The following BCL2 variants were observed in gnomAD, a reference collection of about 807,000 sequenced individuals.
BCL2 encodes BCL2 apoptosis regulator.
BCL2 carries 1 observed loss-of-function variant against 14.2 expected under a neutral mutation model. That is an observed-to-expected ratio of 0.07 (90% confidence interval 0.02 to 0.33). The LOEUF (loss-of-function observed/expected upper bound fraction) is 0.33. BCL2 is among the 10% of genes least tolerant of loss of function. The pLI is 0.99. For missense variants in BCL2, 247 were observed against 305.9 expected (o/e 0.81, Z 1.44); for synonymous variants, 151 against 137.2 (o/e 1.10, Z -0.70).
intron 2 of BCL2, among the ~76,000 whole-genome samples, chr18:63,171,988 T>C (rs1002229846): frequency 3.3e-5 from 5 of 152,026 alleles, no homozygotes; most frequent in African/African-American, 1.2e-4. Flanking sequence ...CTCTAATAAA[T>C]AGATACATAC....
intron 2 of BCL2, among the ~76,000 whole-genome samples, chr18:63,134,727 T>C (rs1274236058): frequency 6.6e-6 from 1 of 152,180 alleles, no homozygotes; most frequent in Non-Finnish European, 1.5e-5. Flanking sequence ...TATGTGCACA[T>C]TTGAACTAAA....
chr18:63,209,138 T>C (rs1909925515), intron 2 of BCL2, among the ~76,000 whole-genome samples: 1 of 152,196 alleles, frequency 6.6e-6, no homozygotes, highest in Admixed American at 6.5e-5. Context: ...TATTAATTCT[T>C]GACAGTGTGG....
chr18:63,317,330 A>C (rs572236511), intron 2 of BCL2: 1 of 162,428 alleles, frequency 6.2e-6, no homozygotes, highest in African/African-American at 2.4e-5. Context: ...AACCATACAC[A>C]AATTATAGAA....
chr18:63,281,775 A>G (rs1012426771), intron 2 of BCL2, among the ~76,000 whole-genome samples: 1 of 152,198 alleles, frequency 6.6e-6, no homozygotes, highest in African/African-American at 2.4e-5. Flanking sequence ...GAAAAGAAAT[A>G]GTAGCAACTG....
chr18:63,266,772 C>G (rs1478831251), intron 2 of BCL2, among the ~76,000 whole-genome samples: 2 of 152,126 alleles, frequency 1.3e-5, no homozygotes, highest in African/African-American at 2.4e-5. Context: ...ACCACTCAAG[C>G]AAGGTCTCAG....
At chr18:63,173,747 A>G (rs1915284610) in intron 2 of BCL2, among the ~76,000 whole-genome samples, 1 of 152,228 alleles carries the variant, frequency 6.6e-6, no homozygotes, top group African/African-American at 2.4e-5. Context: ...TATTACTATG[A>G]ACTCTAATAG....
chr18:63,135,656 G>C (rs1914188423), intron 2 of BCL2, among the ~76,000 whole-genome samples: 1 of 152,086 alleles, frequency 6.6e-6, no homozygotes, highest in Non-Finnish European at 1.5e-5. Flanking sequence ...ACTTCACCCT[G>C]ATTCCACCAT....
intron 2 of BCL2, among the ~76,000 whole-genome samples, chr18:63,216,262 T>C (rs550400308): frequency 6.6e-6 from 1 of 152,140 alleles, no homozygotes; most frequent in African/African-American, 2.4e-5. Context: ...AAGTGGATAA[T>C]CATCAAAGTG....
At chr18:63,207,231 A>G (rs1205511121) in intron 2 of BCL2, among the ~76,000 whole-genome samples, 1 of 152,234 alleles carries the variant, frequency 6.6e-6, no homozygotes, top group Non-Finnish European at 1.5e-5. Context: ...ATGCCGGCAG[A>G]GCGAGCCTTG....
At chr18:63,221,702 AG>A (rs1231810471) in intron 2 of BCL2, among the ~76,000 whole-genome samples, 1 of 152,202 alleles carries the variant, frequency 6.6e-6, no homozygotes, top group Non-Finnish European at 1.5e-5. Context: ...AACCATGAAA[AG>A]GTGGACTAAA....
chr18:63,239,070 T>C (rs1049602376), intron 2 of BCL2, among the ~76,000 whole-genome samples: 2 of 152,202 alleles, frequency 1.3e-5, no homozygotes, highest in East Asian at 1.9e-4. Flanking sequence ...AATTACCTGA[T>C]TGGGGGTCCA....
chr18:63,222,883 A>G (rs1211005049), intron 2 of BCL2, among the ~76,000 whole-genome samples: 1 of 152,248 alleles, frequency 6.6e-6, no homozygotes, highest in African/African-American at 2.4e-5. Context: ...ATTGTTTAGT[A>G]TGTTGTAGGT....
Position 63,193,582 on chromosome 18 carries a change from A to ATGTGTGTGTG in BCL2, c.586-64833_586-64824dup, listed in dbSNP as rs201003163. On this transcript the variant is annotated intron_variant, in intron 2 of 2. Transcript: ENST00000333681. The stretch of plus-strand genomic sequence containing the variant: ...ATATTCTTAAGGCGGAGTAGTATGT[A>ATGTGTGTGTG]TGTGTGTGTGTGTGTGTGTGTGTGT... Among the ~76,000 whole-genome samples the ATGTGTGTGTG allele has an allele frequency of 1.3e-3, 177 of 139,422 alleles. 1 individual carries two copies. Among genetic ancestry groups the ATGTGTGTGTG allele is most frequent in the African/African-American group, 4.2e-3 (161 of 38,146 alleles). The allele number at this position is 139,422 out of a possible 152,430, so 91.5% of individuals were successfully genotyped here.
chr18:63,236,391 C>T (rs1308770195), intron 2 of BCL2, among the ~76,000 whole-genome samples: 2 of 139,510 alleles, frequency 1.4e-5, no homozygotes, highest in Non-Finnish European at 3.2e-5. Flanking sequence ...AATAGAGGTG[C>T]GGGACAAAAA....
chr18:63,310,955 G>C (rs966106774), intron 2 of BCL2, among the ~76,000 whole-genome samples: 6 of 151,922 alleles, frequency 3.9e-5, no homozygotes, highest in African/African-American at 1.5e-4. Flanking sequence ...AATCCATAAA[G>C]GATATGGCTA....
intron 2 of BCL2, among the ~76,000 whole-genome samples, chr18:63,162,044 G>T (rs1914933982): frequency 6.6e-6 from 1 of 152,122 alleles, no homozygotes; most frequent in South Asian, 2.1e-4. Flanking sequence ...ATTTCCCTTT[G>T]CTACACAGGG....
intron 2 of BCL2, among the ~76,000 whole-genome samples, chr18:63,272,463 C>T (rs1021279701): frequency 2.0e-5 from 3 of 151,956 alleles, no homozygotes; most frequent in Non-Finnish European, 2.9e-5. Flanking sequence ...GGATAAAAAA[C>T]AAAAAACTTC....
At chr18:63,240,464 T>A (rs1379586661) in intron 2 of BCL2, among the ~76,000 whole-genome samples, 1 of 152,250 alleles carries the variant, frequency 6.6e-6, no homozygotes, top group Non-Finnish European at 1.5e-5. Context: ...TCAAAAATTT[T>A]CTATAAATAT....
intron 2 of BCL2, among the ~76,000 whole-genome samples, chr18:63,234,234 C>A (rs1348221374): frequency 6.6e-6 from 1 of 152,162 alleles, no homozygotes; most frequent in Non-Finnish European, 1.5e-5. Flanking sequence ...TTCTGATGCT[C>A]TCCCTCCTCC....
Sources: allele counts gnomAD v4.1 joint callset (sites outside exome capture counted in the v4.1 genomes callset), GRCh38; gene constraint gnomAD v4.1.1; transcripts MANE v1.5; gene names NCBI Gene and HGNC (gene_info 2026-07-23, HGNC 2026-07-21).